The following APLF variants were observed in gnomAD, a reference collection of about 807,000 sequenced individuals.
The protein encoded by APLF is aprataxin and PNKP like factor.
Under a neutral mutation model 55.6 loss-of-function variants are expected in APLF, and 61 were observed. That is an observed-to-expected ratio of 1.10 (90% CI 0.89 to 1.36). APLF has a LOEUF of 1.36. APLF is among the 40% of genes most tolerant of loss of function. The pLI is 0.00. For missense variants in APLF, 611 were observed against 602.5 expected, an observed-to-expected ratio of 1.01 and a Z score of -0.15; for synonymous variants, 207 against 214.8, an observed-to-expected ratio of 0.96 and a Z score of 0.32.
intron 8 of APLF, among the ~76,000 whole-genome samples, chr2:68,558,158 C>T (rs1450294860): frequency 6.6e-6 from 1 of 152,066 alleles, no homozygotes; most frequent in Non-Finnish European, 1.5e-5. Context: ...ATTCATGTAG[C>T]TTTGACAAAA....
At chr2:68,574,778 GA>G (rs768370621) in intron 9 of APLF, among the ~76,000 whole-genome samples, 40 of 152,202 alleles carry the variant, frequency 2.6e-4, no homozygotes, top group Non-Finnish European at 2.8e-4. Context: ...AGGGTTCACT[GA>G]GGCTTCATTT....
intron 5 of APLF, among the ~76,000 whole-genome samples, chr2:68,518,479 C>A (rs187123436): frequency 1.4e-4 from 15 of 110,062 alleles, no homozygotes; most frequent in East Asian, 2.5e-4. Context: ...ATTAATAATA[C>A]ATAATAACAT....
intron 1 of APLF, among the ~76,000 whole-genome samples, chr2:68,480,241 G>A (rs558748117): frequency 6.7e-6 from 1 of 150,268 alleles, no homozygotes; most frequent in African/African-American, 2.4e-5. Flanking sequence ...GTAAGATCAT[G>A]TTATCTACAA....
chr2:68,499,437 C>A (rs932715175), intron 2 of APLF, among the ~76,000 whole-genome samples: 1 of 152,180 alleles, frequency 6.6e-6, no homozygotes, highest in African/African-American at 2.4e-5. Flanking sequence ...TCAGAAAAAT[C>A]TTTAAATCCA....
chr2:68,500,950 A>G (rs1291697931), intron 2 of APLF, among the ~76,000 whole-genome samples: 2 of 152,224 alleles, frequency 1.3e-5, no homozygotes, highest in Non-Finnish European at 2.9e-5. Context: ...TAGCATGGTG[A>G]AAGATTTCTA....
chr2:68,501,403 G>C (rs181780515), intron 2 of APLF, among the ~76,000 whole-genome samples: 1 of 151,312 alleles, frequency 6.6e-6, no homozygotes, highest in Non-Finnish European at 1.5e-5. Flanking sequence ...AATAGAGATC[G>C]GTGCTCTCTA....
intron 2 of APLF, among the ~76,000 whole-genome samples, chr2:68,497,824 C>T (rs925658260): frequency 6.6e-6 from 1 of 152,102 alleles, no homozygotes; most frequent in African/African-American, 2.4e-5. Flanking sequence ...CAAGCTATAT[C>T]AGGAGTGCTA....
intron 3 of APLF, among the ~76,000 whole-genome samples, chr2:68,508,180 A>C (rs2103943198): frequency 6.6e-6 from 1 of 152,032 alleles, no homozygotes; most frequent in Non-Finnish European, 1.5e-5. Context: ...AAAAAAAGAA[A>C]AGAGTTGGAG....
intron 8 of APLF, among the ~76,000 whole-genome samples, chr2:68,548,214 A>C (rs1670759357): frequency 6.6e-6 from 1 of 151,906 alleles, no homozygotes; most frequent in South Asian, 2.1e-4. Flanking sequence ...AACAAGAAAC[A>C]AAAATTAATT....
chr2:68,474,182 C>T (rs942318414), intron 1 of APLF, among the ~76,000 whole-genome samples: 3 of 152,258 alleles, frequency 2.0e-5, no homozygotes, highest in Non-Finnish European at 4.4e-5. Flanking sequence ...TGCCACCCTC[C>T]AGAAACCTCT....
chr2:68,519,808 CTTCTT>C lies in APLF; in HGVS notation c.622+6134_622+6138del, dbSNP rs1228192577. ...TGTAGGTGTCTTTTTCATGTAATGA[CTTCTT>C]TTCTTCTGGGTAGTCAGCCAGTAGT... On this transcript the variant is annotated intron_variant, in intron 5 of 9. Coordinates refer to ENST00000303795, the MANE Select transcript of APLF (RefSeq NM_173545.3). 5.9e-5 allele frequency among the ~76,000 whole-genome samples: 9 copies of C among 151,418 alleles called. No individual in the cohort carries two copies. In the East Asian group the frequency reaches 1.7e-3, roughly 29 times the overall value.
chr2:68,501,993 G>A (rs926836839), intron 2 of APLF, among the ~76,000 whole-genome samples: 4 of 152,092 alleles, frequency 2.6e-5, no homozygotes, highest in East Asian at 1.9e-4. Context: ...GCATCATAAC[G>A]TGGTGGAAGG....
At chr2:68,541,586 G>A (rs1670551799) in intron 7 of APLF, among the ~76,000 whole-genome samples, 2 of 152,104 alleles carry the variant, frequency 1.3e-5, no homozygotes, top group Non-Finnish European at 2.9e-5. Context: ...CAGATCAGTG[G>A]TTGTCAAACT....
At chr2:68,468,435 G>A (rs1675503028) in intron 1 of APLF, among the ~76,000 whole-genome samples, 1 of 152,090 alleles carries the variant, frequency 6.6e-6, no homozygotes, top group Admixed American at 6.5e-5. Context: ...GGTCTAAGGA[G>A]ACATTACCTA....
intron 1 of APLF, among the ~76,000 whole-genome samples, chr2:68,480,458 C>G (rs1351990897): frequency 3.3e-5 from 5 of 152,050 alleles, no homozygotes; most frequent in Admixed American, 2.0e-4. Context: ...CGCCCACCAC[C>G]ATGTGCAGCT....
In APLF at chr2:68,529,762, G is replaced by C. The variant is rs1360662276; in HGVS notation, c.804+3520G>C. The stretch of plus-strand genomic sequence containing the variant: ...CCCTGGATGGGCCCCCCGTGGGGCT[G>C]TTGGGGGTGTGGGGCTGATCCGCCA... On this transcript the variant is annotated intron_variant, in intron 6 of 9. Transcript: ENST00000303795. This position sits in a 1 kb window ranked among gnomAD's most constrained non-coding sequence, Gnocchi z 4.4. 3 of 153,506 alleles carry C rather than the reference G, an allele frequency of 2.0e-5. No homozygotes were observed. Among genetic ancestry groups the C allele is most frequent in the Non-Finnish European group, 4.3e-5 (3 of 69,112 alleles). 9.5% of individuals were successfully genotyped at this position (153,506 alleles called of 1,614,324 possible).
intron 8 of APLF, among the ~76,000 whole-genome samples, chr2:68,559,425 G>A (rs137910724): frequency 1.4e-4 from 21 of 152,186 alleles, no homozygotes; most frequent in African/African-American, 5.1e-4. Context: ...AGATACATAT[G>A]TTTAAGTGCC....
At chr2:68,553,331 T>C (rs974367786) in intron 8 of APLF, among the ~76,000 whole-genome samples, 2 of 152,274 alleles carry the variant, frequency 1.3e-5, no homozygotes, top group East Asian at 1.9e-4. Flanking sequence ...ATGATCATTA[T>C]TGAGCAAAAA....
intron 8 of APLF, among the ~76,000 whole-genome samples, chr2:68,556,199 G>T (rs1380081752): frequency 6.6e-6 from 1 of 152,134 alleles, no homozygotes; most frequent in Non-Finnish European, 1.5e-5. Flanking sequence ...TGGGAACTTG[G>T]GGAGAAAGTG....
Sources: allele counts gnomAD v4.1 joint callset (sites outside exome capture counted in the v4.1 genomes callset), GRCh38; gene constraint gnomAD v4.1.1; non-coding constraint Gnocchi (gnomAD v3.1); transcripts MANE v1.5; gene names NCBI Gene and HGNC (gene_info 2026-07-23, HGNC 2026-07-21).